Variants in BBIP1 observed in about 807,000 individuals in gnomAD.
BBIP1 encodes BBSome-interacting protein 1.
A neutral mutation model predicts 8.9 loss-of-function variants in BBIP1; 6 were observed. The observed-to-expected ratio is 0.67, with a 90% CI of 0.37 to 1.33. BBIP1 has a LOEUF of 1.33. Ranked by LOEUF, BBIP1 falls within the 40% of genes most tolerant of loss-of-function variation. The probability of loss-of-function intolerance (pLI) is 0.02; values close to 1 mark genes in which losing one functional copy is unlikely to be tolerated. For missense variants in BBIP1, 111 were observed against 109.2 expected (o/e 1.02, Z -0.07); for synonymous variants, 32 against 33.4 (o/e 0.96, Z 0.14).
At chr10:110,909,508 C>T (rs945095867) in intron 2 of BBIP1, among the ~76,000 whole-genome samples, 1 of 152,162 alleles carries the variant, frequency 6.6e-6, no homozygotes, top group Admixed American at 6.5e-5. Flanking sequence ...AAGGTTGGCT[C>T]TTATGTCATC....
chr10:110,902,272 T>C, intron 2 of BBIP1: 1 of 153,242 alleles, frequency 6.5e-6, no homozygotes, highest in East Asian at 1.9e-4. Flanking sequence ...AATATTTAAC[T>C]ATTTGTTATG....
At chr10:110,913,967 C>T (rs938672664) in intron 2 of BBIP1, among the ~76,000 whole-genome samples, 7 of 152,160 alleles carry the variant, frequency 4.6e-5, no homozygotes, top group Admixed American at 2.0e-4. Context: ...AATCTGGCAA[C>T]GTCAAGCCCA....
chr10:110,918,245 G>A (rs958243627), intron 1 of BBIP1, 32 bp from the exon 2 acceptor site: 86 of 1,170,528 alleles, frequency 7.3e-5, no homozygotes, highest in Non-Finnish European at 1.0e-4. Flanking sequence ...CTTTGTAAAG[G>A]GCCATATAAA....
At chr10:110,913,551 C>T (rs1238431362) in intron 2 of BBIP1, among the ~76,000 whole-genome samples, 1 of 152,134 alleles carries the variant, frequency 6.6e-6, no homozygotes, top group Admixed American at 6.5e-5. Context: ...TAAAGCAAAC[C>T]TATTTCATAA....
chr10:110,918,215 T>A lies in BBIP1; in HGVS notation c.-56-2A>T. On this transcript the variant is annotated splice_acceptor_variant, in intron 1 of 3. Transcript: ENST00000448814. LOFTEE classifies it low-confidence loss of function (5UTR_SPLICE). ...CTTGACTCAAGCATACAGAAGAAAC[T>A]ACAAGATAATGTATGATAACTTTGT... is the stretch of plus-strand genomic sequence containing the variant. 1.4e-6 allele frequency: 2 copies of A among 1,387,062 alleles called. No individual in the cohort carries two copies. The highest frequency in any genetic ancestry group is 2.0e-6 in the Non-Finnish European group (2 of 1,012,166). 85.9% of individuals were successfully genotyped at this position (1,387,062 alleles called of 1,614,324 possible).
intron 2 of BBIP1, among the ~76,000 whole-genome samples, chr10:110,916,319 C>A (rs1428428120): frequency 1.3e-5 from 2 of 152,190 alleles, no homozygotes; most frequent in East Asian, 1.9e-4. Flanking sequence ...ACTTATCTTT[C>A]ATGATCAAAT....
Position 110,900,203 on chromosome 10 carries a change from A to G in BBIP1, c.*157T>C, listed in dbSNP as rs1845954735. The stretch of plus-strand genomic sequence containing the variant: ...TACAAACCAGAGTGTTTACATTCAC[A>G]ATACAAATTTCATCAATCTTGGATA... On this transcript the variant is annotated 3_prime_UTR_variant, in exon 4 of 4. Coordinates refer to ENST00000448814, the MANE Select transcript of BBIP1 (RefSeq NM_001195305.3). The G allele has an allele frequency of 1.3e-6, 1 of 760,220 alleles. No individual in the cohort carries two copies. The highest frequency in any genetic ancestry group is 3.5e-5 in the Admixed American group (1 of 28,866). 47.1% of individuals were successfully genotyped at this position (760,220 alleles called of 1,614,324 possible).
Position 110,900,680 on chromosome 10 carries a change from C to T in BBIP1, c.113-154G>A, listed in dbSNP as rs1209474252. ...AGTTTTGCTCTGGAACCAGAAAGAT[C>T]ATTGTCATTCTATAAGCGCATTTCT... On this transcript the variant is annotated intron_variant, in intron 3 of 3. Transcript: ENST00000448814. 8.0e-6 allele frequency: 5 copies of T among 623,192 alleles called. No individual in the cohort carries two copies. In the East Asian group the frequency reaches 1.2e-4, roughly 15 times the overall value. The allele number at this position is 623,192 out of a possible 1,614,324, so 38.6% of individuals were successfully genotyped here.
intron 2 of BBIP1, among the ~76,000 whole-genome samples, chr10:110,905,373 T>C (rs1297332754): frequency 6.6e-6 from 1 of 152,082 alleles, no homozygotes; most frequent in African/African-American, 2.4e-5. Context: ...TCATCCTGGC[T>C]AACATGGTGA....
At chr10:110,908,924 C>T (rs1846207343) in intron 2 of BBIP1, among the ~76,000 whole-genome samples, 1 of 152,106 alleles carries the variant, frequency 6.6e-6, no homozygotes, top group African/African-American at 2.4e-5. Context: ...CTGAACAGAT[C>T]TAAAATGTAT....
chr10:110,918,167 T>A lies in BBIP1; in HGVS notation c.-10A>T. 6.5e-7 allele frequency: 1 copy of A among 1,535,476 alleles called. No individual in the cohort carries two copies. Among genetic ancestry groups the A allele is most frequent in the Non-Finnish European group, 8.7e-7 (1 of 1,146,326 alleles). On this transcript the variant is annotated 5_prime_UTR_variant, in exon 2 of 4. Transcript: ENST00000448814. ...CTGCAGCTTTAAGCATCCAACCCGG[T>A]ATTACCAAGATGACTTAGAGTTCTT...
chr10:110,905,516 C>T (rs967499269), intron 2 of BBIP1, among the ~76,000 whole-genome samples: 2 of 151,566 alleles, frequency 1.3e-5, no homozygotes, highest in Admixed American at 6.6e-5. Context: ...GAGCCGAGAT[C>T]GTGCCACTGC....
intron 2 of BBIP1, chr10:110,903,061 C>A (rs1488774098): frequency 6.6e-6 from 1 of 152,050 alleles, no homozygotes; most frequent in Non-Finnish European, 1.5e-5. Flanking sequence ...GATCACATTT[C>A]TTTATTTGAA....
chr10:110,907,689 T>C lies in BBIP1; in HGVS notation c.38-6077A>G, dbSNP rs765922419. ...AGTGATTGTTCTTAACCTCGCTTGC[T>C]TGTATACCCCTCCGATTGTCTTCAG... On this transcript the variant is annotated intron_variant, in intron 2 of 3. Transcript: ENST00000448814. 7.2e-6 allele frequency: 5 copies of C among 692,520 alleles called. No homozygotes were observed. The South Asian group carries it at 7.7e-5, about 11-fold the overall frequency. 42.9% of individuals were successfully genotyped at this position (692,520 alleles called of 1,614,324 possible).
chr10:110,915,237 G>A (rs1020406305), intron 2 of BBIP1, among the ~76,000 whole-genome samples: 1 of 151,936 alleles, frequency 6.6e-6, no homozygotes, highest in Non-Finnish European at 1.5e-5. Context: ...GCTCACCACA[G>A]CCTTGACCTT....
chr10:110,913,282 A>G (rs1423069985), intron 2 of BBIP1, among the ~76,000 whole-genome samples: 1 of 152,180 alleles, frequency 6.6e-6, no homozygotes, highest in Non-Finnish European at 1.5e-5. Context: ...AGTGGATGTA[A>G]AAGTCCTTAG....
At chr10:110,918,244 G>A (rs924204275) in intron 1 of BBIP1, 31 bp from the exon 2 acceptor site, 4 of 1,175,246 alleles carry the variant, frequency 3.4e-6, no homozygotes, top group South Asian at 1.3e-5. Flanking sequence ...ACTTTGTAAA[G>A]GGCCATATAA....
intron 2 of BBIP1, chr10:110,907,450 T>C (rs952523210): frequency 6.1e-6 from 2 of 326,790 alleles, no homozygotes; most frequent in Non-Finnish European, 1.1e-5. Context: ...GAGTTTTAGG[T>C]TGCAGTGAGA....
intron 2 of BBIP1, chr10:110,907,878 C>T (rs1411001493): frequency 4.5e-6 from 3 of 660,316 alleles, no homozygotes; most frequent in South Asian, 1.7e-5. Flanking sequence ...AATAGCAGGA[C>T]TGTTTAGAAA....
Sources: allele counts gnomAD v4.1 joint callset (sites outside exome capture counted in the v4.1 genomes callset), GRCh38; gene constraint gnomAD v4.1.1; transcripts MANE v1.5; gene names NCBI Gene and HGNC (gene_info 2026-07-23, HGNC 2026-07-21).